The following TRIM44 variants were observed in gnomAD, a reference collection of about 807,000 sequenced individuals.
The protein encoded by TRIM44 is tripartite motif-containing protein 44.
A neutral mutation model predicts 37.4 loss-of-function variants in TRIM44; 13 were observed. That is an observed-to-expected ratio of 0.35 (90% CI 0.23 to 0.55). The LOEUF (loss-of-function observed/expected upper bound fraction) is 0.55. Ranked by LOEUF, TRIM44 falls within the 20% of genes least tolerant of loss-of-function variation. The pLI, the probability that TRIM44 is intolerant of heterozygous loss-of-function variation, is 0.89. For missense variants in TRIM44, 426 were observed against 437.2 expected, an observed-to-expected ratio of 0.97 and a Z score of 0.23; for synonymous variants, 175 against 157.2, an observed-to-expected ratio of 1.11 and a Z score of -0.85.
At chr11:35,790,879 G>A (rs1471210728) in intron 4 of TRIM44, among the ~76,000 whole-genome samples, 1 of 152,168 alleles carries the variant, frequency 6.6e-6, no homozygotes, top group East Asian at 1.9e-4. Flanking sequence ...GTAGAACTGG[G>A]TAGTAGTAAA....
At chr11:35,759,900 G>T (rs1345213149) in intron 4 of TRIM44, among the ~76,000 whole-genome samples, 1 of 152,188 alleles carries the variant, frequency 6.6e-6, no homozygotes, top group Non-Finnish European at 1.5e-5. Context: ...GTGTCAGTCT[G>T]CCCTTACTGG....
chr11:35,716,920 C>T (rs1162409752), intron 2 of TRIM44, among the ~76,000 whole-genome samples: 1 of 152,142 alleles, frequency 6.6e-6, no homozygotes, highest in East Asian at 1.9e-4. Context: ...ATACTAGCCA[C>T]CTCTTGGCAT....
At chr11:35,680,301 G>A (rs1481448711) in intron 1 of TRIM44, among the ~76,000 whole-genome samples, 1 of 151,968 alleles carries the variant, frequency 6.6e-6, no homozygotes, top group Non-Finnish European at 1.5e-5. Flanking sequence ...GCAATTAATA[G>A]GAATATATTT....
At chr11:35,792,101 ACACACACACACT>A (rs1183734789) in intron 4 of TRIM44, among the ~76,000 whole-genome samples, 31 of 137,202 alleles carry the variant, frequency 2.3e-4, no homozygotes, top group Non-Finnish European at 3.5e-4. Context: ...ACACACACAC[ACACACACACACT>A]CTCTCTCATC....
chr11:35,700,441 A>G (rs548061061), intron 2 of TRIM44, among the ~76,000 whole-genome samples: 1 of 152,310 alleles, frequency 6.6e-6, no homozygotes, highest in African/African-American at 2.4e-5. Context: ...GTAATCTTTT[A>G]CCAAATGTAC....
At chr11:35,756,337 A>G (rs1374777642) in intron 4 of TRIM44, among the ~76,000 whole-genome samples, 5 of 152,076 alleles carry the variant, frequency 3.3e-5, no homozygotes, top group African/African-American at 1.2e-4. Context: ...AATGCTTGTG[A>G]TTTTTGCACA....
Position 35,782,601 on chromosome 11 carries a change from G to A in TRIM44, c.1008-23757G>A, listed in dbSNP as rs978790379. On this transcript the variant is annotated intron_variant, in intron 4 of 4. Transcript: ENST00000299413. The stretch of plus-strand genomic sequence containing the variant: ...GATTGAAAAAGAGCTGCAGCTTTGG[G>A]TATTATACCCATGTTCAATCATGAG... Among the ~76,000 whole-genome samples the A allele has an allele frequency of 2.0e-5, 3 of 152,066 alleles. No individual in the cohort carries two copies. In the East Asian group the frequency reaches 5.8e-4, roughly 29 times the overall value.
chr11:35,753,931 G>A (rs1222378815), intron 4 of TRIM44, among the ~76,000 whole-genome samples: 2 of 151,888 alleles, frequency 1.3e-5, no homozygotes, highest in African/African-American at 4.8e-5. Context: ...GTTTCACCAT[G>A]TTGTTCAGGC....
At position 35,786,893 on chromosome 11, in the gene TRIM44, C is replaced by CT. The variant is rs139734776; in HGVS notation, c.1008-19460dup. Among the ~76,000 whole-genome samples, 344 of 152,186 alleles carry CT rather than the reference C, an allele frequency of 2.3e-3. 1 individual carries two copies. Among genetic ancestry groups the CT allele is most frequent in the African/African-American group, 8.0e-3 (332 of 41,530 alleles). ...GGCTCATCCTTTAGAACCAACTTTG[C>CT]TTTTTATGTCATGTTTTTCCCTCCA... On this transcript the variant is annotated intron_variant, in intron 4 of 4. Coordinates refer to ENST00000299413, the MANE Select transcript of TRIM44 (RefSeq NM_017583.6).
In TRIM44 at chr11:35,662,840, G is replaced by A; in HGVS notation, c.-272G>A. The A allele has an allele frequency of 2.9e-6, 1 of 342,194 alleles. No individual in the cohort carries two copies. Among genetic ancestry groups the A allele is most frequent in the Non-Finnish European group, 4.9e-6 (1 of 204,512 alleles). 21.2% of individuals were successfully genotyped at this position (342,194 alleles called of 1,614,324 possible). ...CGGGCGGCGCGACGCGGGGGCCGAC[G>A]GGGGCGCCGGGTGGCCGCGCCGGAA... is the stretch of plus-strand genomic sequence containing the variant. On this transcript the variant is annotated 5_prime_UTR_variant, in exon 1 of 5. Transcript: ENST00000299413.
rs749414817 is a variant in TRIM44, at chr11:35,663,266, T to A, written c.155T>A (p.Phe52Tyr). 84 of 1,612,312 alleles carry A rather than the reference T, an allele frequency of 5.2e-5. No individual in the cohort carries two copies. Among genetic ancestry groups the A allele is most frequent in the Non-Finnish European group, 6.9e-5 (81 of 1,178,662 alleles). The change falls in exon 1 of 5, where the codon TTC becomes TAC. Residue 52 changes from phenylalanine to tyrosine, a missense_variant. By Grantham distance (22) the Phe-to-Tyr change is conservative. This residue lies in a region of TRIM44 where 331 missense variants were observed against 303.0 expected (regional missense o/e 1.09). Coordinates refer to ENST00000299413, the MANE Select transcript of TRIM44 (RefSeq NM_017583.6). Reference sequence around the variant, plus strand: ...CATGCCGAGGCGCACAGGCAGAAGTTCCTCAGTCACCATCTGGCCGAATAC... The same window carrying A: ...CATGCCGAGGCGCACAGGCAGAAGTACCTCAGTCACCATCTGGCCGAATAC... Reference protein sequence around the residue: ...RRHAEAHRQKFLSHHLAEYVH... With the variant: ...RRHAEAHRQKYLSHHLAEYVH...
chr11:35,784,223 CA>C (rs1310900128), intron 4 of TRIM44, among the ~76,000 whole-genome samples: 1 of 152,158 alleles, frequency 6.6e-6, no homozygotes, highest in African/African-American at 2.4e-5. Context: ...CAGAATGCTC[CA>C]GACATTCAGC....
intron 4 of TRIM44, among the ~76,000 whole-genome samples, chr11:35,804,145 A>T (rs1853415354): frequency 6.6e-6 from 1 of 152,172 alleles, no homozygotes; most frequent in Non-Finnish European, 1.5e-5. Flanking sequence ...TATTTAGCAA[A>T]TGAAGTAATC....
At position 35,670,206 on chromosome 11, in the gene TRIM44, A is replaced by C. The variant is rs192659386; in HGVS notation, c.669+6426A>C. Among the ~76,000 whole-genome samples, 550 of 152,258 alleles carry C rather than the reference A, an allele frequency of 3.6e-3. 1 individual carries two copies. The highest frequency in any genetic ancestry group is 9.0e-3 in the Admixed American group (138 of 15,298). On this transcript the variant is annotated intron_variant, in intron 1 of 4. Transcript: ENST00000299413. Reference sequence around the variant, plus strand: ...TTCCCTCACACCTCACTTTCTACTAACCAAATGCACAGCCTAGTTTCTTGG... The same window carrying C: ...TTCCCTCACACCTCACTTTCTACTACCCAAATGCACAGCCTAGTTTCTTGG...
intron 3 of TRIM44, among the ~76,000 whole-genome samples, chr11:35,727,804 A>G (rs1029378130): frequency 1.3e-5 from 2 of 152,222 alleles, no homozygotes; most frequent in East Asian, 1.9e-4. Flanking sequence ...ACTATAAGAC[A>G]TATGCTAAGC....
At chr11:35,729,256 G>T (rs1018563786) in intron 3 of TRIM44, among the ~76,000 whole-genome samples, 2 of 152,070 alleles carry the variant, frequency 1.3e-5, no homozygotes, top group Non-Finnish European at 2.9e-5. Flanking sequence ...CAATTGGCAC[G>T]CAGCAGTGGA....
intron 2 of TRIM44, among the ~76,000 whole-genome samples, chr11:35,722,532 G>T (rs3105265): frequency 0.027 from 4,038 of 152,296 alleles, 134 homozygotes; most frequent in African/African-American, 0.076. Flanking sequence ...TAAGCAAGGG[G>T]TGGATTATTC....
Position 35,725,911 on chromosome 11 carries a change from C to G in TRIM44, c.748-13C>G, listed in dbSNP as rs1328810833. The G allele has an allele frequency of 6.2e-7, 1 of 1,611,686 alleles. No individual in the cohort carries two copies. The highest frequency in any genetic ancestry group is 8.5e-7 in the Non-Finnish European group (1 of 1,178,386). ...TGTTCAACTTATTCTTCTTATTTGT[C>G]TCTGTTCTAAAGGTAACTCGGGACC... On this transcript the variant is annotated splice_polypyrimidine_tract_variant and intron_variant, in intron 2 of 4. Coordinates refer to ENST00000299413, the MANE Select transcript of TRIM44 (RefSeq NM_017583.6).
At chr11:35,777,152 A>G (rs1169852042) in intron 4 of TRIM44, among the ~76,000 whole-genome samples, 1 of 152,192 alleles carries the variant, frequency 6.6e-6, no homozygotes, top group Admixed American at 6.5e-5. Context: ...TATTGGGTGC[A>G]TATATATTTG....
Sources: gnomAD v4.1 joint callset for allele counts (sites outside exome capture counted in the v4.1 genomes callset) on GRCh38, gnomAD v4.1.1 for gene constraint, gnomAD v4.1.1 regional missense constraint, MANE v1.5 for transcripts, NCBI Gene and HGNC (gene_info 2026-07-23, HGNC 2026-07-21) for gene names.